The following SNX20 variants were observed in gnomAD, a reference collection of about 807,000 sequenced individuals.
SNX20 encodes the protein sorting nexin 20.
A neutral mutation model predicts 24.5 loss-of-function variants in SNX20; 21 were observed. That is an observed-to-expected ratio of 0.86 (90% CI 0.61 to 1.23). The LOEUF (loss-of-function observed/expected upper bound fraction) is 1.23, where lower values mean the gene tolerates loss of function less well. Among genes scored for constraint, SNX20 ranks in the 50% most tolerant of loss-of-function variants. The pLI is 0.00. For missense variants in SNX20, 433 were observed against 430.8 expected (o/e 1.00, Z -0.04); for synonymous variants, 206 against 192.8 (o/e 1.07, Z -0.57).
chr16:50,677,143 T>C (rs1358083316), intron 2 of SNX20, among the ~76,000 whole-genome samples: 1 of 152,166 alleles, frequency 6.6e-6, no homozygotes, highest in African/African-American at 2.4e-5. Context: ...CCACCTACCG[T>C]GCCTATCTGT....
At chr16:50,671,510 TG>T (rs1963050341), downstream of SNX20, 1 of 152,248 alleles carries the variant, frequency 6.6e-6, no homozygotes. Flanking sequence ...GCTTTTGTGC[TG>T]GAATATCCCA....
At chr16:50,674,887 A>G (rs773832449) in intron 3 of SNX20, among the ~76,000 whole-genome samples, 1 of 152,208 alleles carries the variant, frequency 6.6e-6, no homozygotes, top group Non-Finnish European at 1.5e-5. Context: ...ATTATAACCC[A>G]TGCATCTGAC....
At chr16:50,666,465 C>T (rs1435036136) in exon 4 of SNX20, 2 of 152,242 alleles carry the variant, frequency 1.3e-5, no homozygotes, top group Non-Finnish European at 2.9e-5. Flanking sequence ...GTGTTTGCAG[C>T]AGTGTTGTCC....
rs1491410041 is a variant in SNX20 at position 50,672,495 on chromosome 16, CCG to C, written c.*909_*910del. 8.7e-6 allele frequency: 1 copy of C among 115,304 alleles called. No homozygotes were observed. Among genetic ancestry groups the C allele is most frequent in the Non-Finnish European group, 1.7e-5 (1 of 58,400 alleles). 7.1% of individuals were successfully genotyped at this position (115,304 alleles called of 1,614,324 possible). On this transcript the variant is annotated 3_prime_UTR_variant, in exon 4 of 4. Transcript: ENST00000330943. ...TCAAAAGGATGGCATACAACTCCCACCGTGTGTGTGTGTGTGTGTGTGTGTGT... is the reference window on the plus strand; with the variant it reads ...TCAAAAGGATGGCATACAACTCCCACTGTGTGTGTGTGTGTGTGTGTGTGT...
At chr16:50,680,358 G>A (rs527901189) in intron 1 of SNX20, among the ~76,000 whole-genome samples, 1 of 152,288 alleles carries the variant, frequency 6.6e-6, no homozygotes, top group South Asian at 2.1e-4. Context: ...TACTAAAAGT[G>A]TTGTTGCTGT....
At chr16:50,668,110 C>T (rs1962957532), downstream of SNX20, 13 of 1,551,346 alleles carry the variant, frequency 8.4e-6, no homozygotes, top group African/African-American at 2.7e-5. Flanking sequence ...AGCTGGAGAG[C>T]ACACAGGGCT....
intron 2 of SNX20, 126 bp from the exon 3 acceptor site, chr16:50,676,047 C>G (rs186692135): frequency 6.7e-6 from 7 of 1,041,556 alleles, no homozygotes; most frequent in Middle Eastern, 3.2e-4. Flanking sequence ...GAATATCCCT[C>G]TCTCCCACCC....
chr16:50,668,570 A>G (rs1403340889), downstream of SNX20: 21 of 1,015,166 alleles, frequency 2.1e-5, no homozygotes, highest in Non-Finnish European at 2.4e-5. Flanking sequence ...GCTCAAAGGA[A>G]AACAGCTGGT....
At chr16:50,676,860 G>A (rs1325497641) in intron 2 of SNX20, among the ~76,000 whole-genome samples, 1 of 152,244 alleles carries the variant, frequency 6.6e-6, no homozygotes, top group Non-Finnish European at 1.5e-5. Flanking sequence ...TCGAAGGACT[G>A]TAAGAAAAGA....
At chr16:50,680,435 G>A (rs1408117076) in intron 1 of SNX20, among the ~76,000 whole-genome samples, 3 of 152,142 alleles carry the variant, frequency 2.0e-5, no homozygotes, top group African/African-American at 4.8e-5. Flanking sequence ...CCTTCCAGCC[G>A]TGTGTGCACA....
intron 1 of SNX20, among the ~76,000 whole-genome samples, chr16:50,679,945 G>C (rs1056442208): frequency 6.6e-6 from 1 of 152,230 alleles, no homozygotes; most frequent in East Asian, 1.9e-4. Context: ...CTCCAGGTCA[G>C]AAGCAGGGCA....
Position 50,673,822 on chromosome 16 carries a change from C to T in SNX20, c.535G>A (p.Glu179Lys). The stretch of plus-strand genomic sequence containing the variant: ...GGCCGCGTGAGGAAGTCCAGGAACT[C>T]CCGGGAGCGGCGCACGCAGCGGATG... ...YAIRCVRRSR[E>K]FLDFLTRPEL... is the part of the protein sequence containing the mutation. Residue 179 changes from glutamate to lysine, a missense_variant, in exon 4 of 4, where the codon GAG (glutamate) becomes AAG (lysine). By Grantham distance (56) the Glu-to-Lys change is moderately conservative. Transcript: ENST00000330943. This position sits in a 1 kb window ranked among gnomAD's most constrained non-coding sequence, Gnocchi z 4.1. 1 of 1,597,002 alleles carries T rather than the reference C, an allele frequency of 6.3e-7. No individual in the cohort carries two copies. The highest frequency in any genetic ancestry group is 8.5e-7 in the Non-Finnish European group (1 of 1,176,708).
chr16:50,668,396 C>A (rs551833164), downstream of SNX20: 7 of 919,900 alleles, frequency 7.6e-6, no homozygotes, highest in African/African-American at 1.0e-4. Context: ...AGGCTCAGGG[C>A]CTGTCTCAGG....
At position 50,671,973 on chromosome 16, in the gene SNX20, C is replaced by T. The variant is rs979792030; in HGVS notation, c.*1433G>A. ...CATTAAGGTTCCCAAATTACAGACT[C>T]ATTAATTCACCCTAATAAGCTCATC... is the stretch of plus-strand genomic sequence containing the variant. On this transcript the variant is annotated 3_prime_UTR_variant, in exon 4 of 4. Coordinates refer to ENST00000330943, the MANE Select transcript of SNX20 (RefSeq NM_182854.4). 26 of 152,266 alleles carry T rather than the reference C, an allele frequency of 1.7e-4. No homozygotes were observed. The highest frequency in any genetic ancestry group is 1.5e-5 in the Non-Finnish European group (1 of 68,060). The allele number at this position is 152,266 out of a possible 1,614,324, so 9.4% of individuals were successfully genotyped here.
At chr16:50,669,195 A>G (rs972519626), downstream of SNX20, 3 of 871,008 alleles carry the variant, frequency 3.4e-6, no homozygotes, top group Non-Finnish European at 5.7e-6. Flanking sequence ...GTGTCAGTCC[A>G]TTTTGCATTG....
chr16:50,669,128 T>C (rs557387645), downstream of SNX20: 1 of 1,438,404 alleles, frequency 7.0e-7, no homozygotes, highest in South Asian at 1.2e-5. Flanking sequence ...AAGTCATCTC[T>C]CCAGGCCTTG....
In SNX20 at chr16:50,673,360, A is replaced by C; in HGVS notation, c.*46T>G. On this transcript the variant is annotated 3_prime_UTR_variant, in exon 4 of 4. Transcript: ENST00000330943. This position sits in a 1 kb window ranked among gnomAD's most constrained non-coding sequence, Gnocchi z 4.1. ...AACCCCAAACAGCCCACTGTGAGCC[A>C]TGGTGACCCCAAATCTCCAGCGTCC... 7.0e-7 allele frequency: 1 copy of C among 1,432,144 alleles called. No homozygotes were observed. The highest frequency in any genetic ancestry group is 2.7e-5 in the East Asian group (1 of 37,262). The allele number at this position is 1,432,144 out of a possible 1,614,324, so 88.7% of individuals were successfully genotyped here.
chr16:50,676,438 C>T (rs571232057), intron 2 of SNX20, among the ~76,000 whole-genome samples: 15 of 152,272 alleles, frequency 9.9e-5, no homozygotes, highest in Non-Finnish European at 1.9e-4. Flanking sequence ...TCTTCTCGGA[C>T]GTGCACTGCT....
downstream of SNX20, chr16:50,668,393 G>C: frequency 1.1e-6 from 1 of 937,364 alleles, no homozygotes; most frequent in Non-Finnish European, 1.4e-6. Flanking sequence ...CTCAGGCTCA[G>C]GGCCTGTCTC....
Sources: allele counts gnomAD v4.1 joint callset (sites outside exome capture counted in the v4.1 genomes callset), GRCh38; gene constraint gnomAD v4.1.1; non-coding constraint Gnocchi (gnomAD v3.1); transcripts MANE v1.5; gene names NCBI Gene and HGNC (gene_info 2026-07-23, HGNC 2026-07-21).